Variants in KCNT2 observed in about 807,000 individuals in gnomAD.
KCNT2 encodes the protein potassium sodium-activated channel subfamily T member 2.
A neutral mutation model predicts 153.8 loss-of-function variants in KCNT2; 67 were observed. That is an observed-to-expected ratio of 0.44 (90% CI 0.36 to 0.53). KCNT2 has a LOEUF of 0.53. Among genes scored for constraint, KCNT2 ranks in the 20% least tolerant of loss-of-function variants. The pLI, the probability that KCNT2 is intolerant of heterozygous loss-of-function variation, is 0.00. For synonymous variants in KCNT2, 500 were observed against 458.8 expected (o/e 1.09, Z -1.15); for missense variants, 975 against 1,354.8 (o/e 0.72, Z 4.40).
chr1:196,524,082 A>T (rs1162636974), intron 1 of KCNT2, among the ~76,000 whole-genome samples: 1 of 143,604 alleles, frequency 7.0e-6, no homozygotes, highest in Non-Finnish European at 1.5e-5. Context: ...TAACTAATCA[A>T]ATTGTAATTC....
intron 1 of KCNT2, among the ~76,000 whole-genome samples, chr1:196,534,841 A>C (rs1001552586): frequency 6.6e-6 from 1 of 152,198 alleles, no homozygotes; most frequent in African/African-American, 2.4e-5. Context: ...AATCATCTGA[A>C]TGAAAGGAAA....
At chr1:196,502,196 G>T (rs772943261) in intron 1 of KCNT2, among the ~76,000 whole-genome samples, 2 of 152,116 alleles carry the variant, frequency 1.3e-5, no homozygotes, top group African/African-American at 4.8e-5. Flanking sequence ...TCTACTCTAT[G>T]TACACAGAGA....
chr1:196,267,002 C>T (rs969209929), intron 25 of KCNT2, among the ~76,000 whole-genome samples: 14 of 152,172 alleles, frequency 9.2e-5, no homozygotes, highest in Admixed American at 6.5e-5. Context: ...CAACACAGAT[C>T]CCGATCCCCA....
At chr1:196,388,009 C>G (rs1333045598) in intron 13 of KCNT2, among the ~76,000 whole-genome samples, 2 of 150,244 alleles carry the variant, frequency 1.3e-5, no homozygotes, top group African/African-American at 4.9e-5. Flanking sequence ...TCTGTGAAAA[C>G]ATTCCTCTAT....
intron 12 of KCNT2, among the ~76,000 whole-genome samples, chr1:196,407,315 G>A (rs933612999): frequency 4.0e-5 from 6 of 151,512 alleles, no homozygotes; most frequent in South Asian, 4.2e-4. Context: ...TTATCTTGAC[G>A]GCGTGTAACT....
At chr1:196,508,189 C>CAAAAAAAAAAAAAAA (rs10539910) in intron 1 of KCNT2, among the ~76,000 whole-genome samples, 71 of 59,982 alleles carry the variant, frequency 1.2e-3, no homozygotes, top group African/African-American at 1.7e-3. Flanking sequence ...CCCTAAGTAG[C>CAAAAAAAAAAAAAAA]AAAAAAAAAA....
intron 1 of KCNT2, among the ~76,000 whole-genome samples, chr1:196,512,589 C>G (rs1369181975): frequency 2.6e-5 from 4 of 151,710 alleles, no homozygotes; most frequent in Non-Finnish European, 5.9e-5. Context: ...TAAAGTTCTT[C>G]AAGTAGTAAA....
chr1:196,537,977 A>G (rs1655827654), intron 1 of KCNT2, among the ~76,000 whole-genome samples: 1 of 152,104 alleles, frequency 6.6e-6, no homozygotes, highest in South Asian at 2.1e-4. Flanking sequence ...CCTGCACCTG[A>G]AGGTCCCCAT....
rs565139523 is a variant in KCNT2, at chr1:196,460,174, C to T, written c.638+5119G>A. Among the ~76,000 whole-genome samples, 15 of 151,740 alleles carry T rather than the reference C, an allele frequency of 9.9e-5. No individual in the cohort carries two copies. The South Asian group carries it at 2.1e-3, about 21-fold the overall frequency. The stretch of plus-strand genomic sequence containing the variant: ...GTTTATCATTTCTATAAGGTATGTG[C>T]GTGTAATTTACAAAAATTATATCCA... On this transcript the variant is annotated intron_variant, in intron 8 of 27. Coordinates refer to ENST00000294725, the MANE Select transcript of KCNT2 (RefSeq NM_198503.5).
intron 1 of KCNT2, among the ~76,000 whole-genome samples, chr1:196,525,642 A>T (rs1160867350): frequency 1.3e-5 from 2 of 152,230 alleles, no homozygotes; most frequent in East Asian, 3.9e-4. Flanking sequence ...AAGGTAGCTA[A>T]ATTTGTGAAT....
chr1:196,576,574 T>C (rs367878053), intron 1 of KCNT2, among the ~76,000 whole-genome samples: 1 of 152,080 alleles, frequency 6.6e-6, no homozygotes, highest in Non-Finnish European at 1.5e-5. Context: ...AACTAAAGTA[T>C]GAATAAACAT....
chr1:196,446,829 C>T (rs1353885244), intron 8 of KCNT2, among the ~76,000 whole-genome samples: 1 of 151,410 alleles, frequency 6.6e-6, no homozygotes, highest in Non-Finnish European at 1.5e-5. Flanking sequence ...ACTGTCTTTC[C>T]TAAGTGAAAA....
chr1:196,335,771 G>T (rs531413433), intron 16 of KCNT2, among the ~76,000 whole-genome samples: 196 of 152,050 alleles, frequency 1.3e-3, no homozygotes, highest in African/African-American at 3.3e-3. Flanking sequence ...ACATTTTTAT[G>T]CATTCACCCT....
At chr1:196,277,673 T>A (rs1295229555) in intron 25 of KCNT2, among the ~76,000 whole-genome samples, 1 of 152,156 alleles carries the variant, frequency 6.6e-6, no homozygotes, top group East Asian at 1.9e-4. Context: ...TGAAATCTAG[T>A]GTCTTTCTTT....
At chr1:196,257,904 C>A (rs1656656029) in intron 26 of KCNT2, 2 of 963,708 alleles carry the variant, frequency 2.1e-6, no homozygotes, top group Non-Finnish European at 2.5e-6. Flanking sequence ...TTACTTCTAA[C>A]ATGAAAACAC....
intron 1 of KCNT2, among the ~76,000 whole-genome samples, chr1:196,541,233 C>T (rs1229108739): frequency 2.0e-5 from 3 of 151,516 alleles, no homozygotes; most frequent in African/African-American, 7.3e-5. Context: ...CCAAAGAAGT[C>T]AGTAAATATG....
chr1:196,235,823 C>T (rs1345832325), intron 27 of KCNT2, among the ~76,000 whole-genome samples, 163 bp downstream of exon 27: 2 of 151,306 alleles, frequency 1.3e-5, no homozygotes, highest in African/African-American at 4.8e-5. Context: ...TTTTATATTG[C>T]ACACAACACA....
chr1:196,541,032 C>A (rs1272963376), intron 1 of KCNT2, among the ~76,000 whole-genome samples: 2 of 151,804 alleles, frequency 1.3e-5, no homozygotes, highest in Non-Finnish European at 2.9e-5. Flanking sequence ...CGCCACTGCA[C>A]TCCAGCCTGG....
intron 1 of KCNT2, among the ~76,000 whole-genome samples, chr1:196,506,714 G>A (rs1050980543): frequency 1.3e-5 from 2 of 152,118 alleles, no homozygotes; most frequent in African/African-American, 4.8e-5. Flanking sequence ...TCACTCTCCT[G>A]AAATACTGTT....
Sources: allele counts gnomAD v4.1 joint callset (sites outside exome capture counted in the v4.1 genomes callset), GRCh38; gene constraint gnomAD v4.1.1; transcripts MANE v1.5; gene names NCBI Gene and HGNC (gene_info 2026-07-23, HGNC 2026-07-21).